The following YTHDF3 variants were observed in gnomAD, a reference collection of about 807,000 sequenced individuals.
YTHDF3 encodes the protein YTH domain-containing family protein 3.
In YTHDF3, 9 loss-of-function variants were observed where a neutral mutation model predicts 52.5. The observed-to-expected ratio is 0.17, with a 90% confidence interval of 0.10 to 0.30. The LOEUF (loss-of-function observed/expected upper bound fraction) is 0.30, where lower values mean the gene tolerates loss of function less well. Ranked by LOEUF, YTHDF3 falls within the 10% of genes least tolerant of loss-of-function variation. The pLI is 1.00. For synonymous variants in YTHDF3, 274 were observed against 243.3 expected, an observed-to-expected ratio of 1.13 and a Z score of -1.18; for missense variants, 534 against 715.0, an observed-to-expected ratio of 0.75 and a Z score of 2.89.
chr8:63,169,187 G>T (rs1247082976), intron 1 of YTHDF3, 200 bp from the exon 2 acceptor site: 15 of 1,378,908 alleles, frequency 1.1e-5, no homozygotes, highest in Non-Finnish European at 1.4e-5. Context: ...GCGAGCTCTG[G>T]GAGACGGATT....
intron 3 of YTHDF3, among the ~76,000 whole-genome samples, chr8:63,181,793 T>C (rs1048510416): frequency 1.3e-5 from 2 of 152,218 alleles, no homozygotes; most frequent in Non-Finnish European, 2.9e-5. Context: ...CTGGCACATA[T>C]AGCATTCATG....
intron 3 of YTHDF3, among the ~76,000 whole-genome samples, chr8:63,176,758 A>G (rs971855765): frequency 2.6e-5 from 4 of 151,820 alleles, no homozygotes; most frequent in Non-Finnish European, 4.4e-5. Flanking sequence ...GCTCACTCCA[A>G]CCTCTGCCTC....
At chr8:63,169,432 T>G in intron 2 of YTHDF3, 21 bp downstream of exon 2, 1 of 1,580,462 alleles carries the variant, frequency 6.3e-7, no homozygotes, top group Non-Finnish European at 8.6e-7. Flanking sequence ...ATTTTTTTTT[T>G]TCTTATTGCT....
At chr8:63,186,028 G>T (rs1262404706) in intron 3 of YTHDF3, 119 bp from the exon 4 acceptor site, 11 of 1,101,838 alleles carry the variant, frequency 1.0e-5, no homozygotes, top group Non-Finnish European at 1.4e-5. Flanking sequence ...TGTTTATCTA[G>T]AATAGGTACA....
chr8:63,212,158 T>A lies in YTHDF3; in HGVS notation c.*2452T>A, dbSNP rs1810402197. On this transcript the variant is annotated 3_prime_UTR_variant, in exon 5 of 5. Coordinates refer to ENST00000539294, the MANE Select transcript of YTHDF3 (RefSeq NM_152758.6). ...TCTTGCTTAATGTTTTTCCAAGTTC[T>A]GGCTTGAATATTTCTTATTAAAGCT... is the stretch of plus-strand genomic sequence containing the variant. 6.5e-6 allele frequency: 1 copy of A among 152,674 alleles called. No individual in the cohort carries two copies. The highest frequency in any genetic ancestry group is 6.5e-5 in the Admixed American group (1 of 15,286). 9.5% of individuals were successfully genotyped at this position (152,674 alleles called of 1,614,324 possible).
chr8:63,200,458 T>G (rs1563411318), intron 4 of YTHDF3, among the ~76,000 whole-genome samples: 1 of 151,884 alleles, frequency 6.6e-6, no homozygotes, highest in Non-Finnish European at 1.5e-5. Context: ...TTTGAGATAC[T>G]GGGGATTGAA....
intron 3 of YTHDF3, among the ~76,000 whole-genome samples, chr8:63,180,575 G>T (rs993471916): frequency 6.6e-6 from 1 of 151,900 alleles, no homozygotes; most frequent in African/African-American, 2.4e-5. Context: ...ACGGGGTGGC[G>T]GCTGGGCAGA....
chr8:63,180,601 A>C (rs1418394792), intron 3 of YTHDF3, among the ~76,000 whole-genome samples: 2 of 152,174 alleles, frequency 1.3e-5, no homozygotes, highest in African/African-American at 4.8e-5. Flanking sequence ...CAATCTCGGC[A>C]CTTTGGGAGG....
chr8:63,169,089 G>C (rs1388288167), intron 1 of YTHDF3, 188 bp downstream of exon 1: 3 of 1,383,920 alleles, frequency 2.2e-6, no homozygotes, highest in Non-Finnish European at 2.8e-6. Flanking sequence ...GGGCGGGCGG[G>C]CGCGGTGCCG....
chr8:63,175,045 TAC>T (rs1279621010), intron 2 of YTHDF3, among the ~76,000 whole-genome samples: 2 of 152,194 alleles, frequency 1.3e-5, no homozygotes, highest in Admixed American at 6.5e-5. Flanking sequence ...ATTTACTCAC[TAC>T]AGTGTTGAGA....
At chr8:63,193,482 G>A (rs1357033068) in intron 4 of YTHDF3, among the ~76,000 whole-genome samples, 1 of 151,308 alleles carries the variant, frequency 6.6e-6, no homozygotes, top group Non-Finnish European at 1.5e-5. Context: ...ATAAGCTAGT[G>A]TGGTGGTGCA....
chr8:63,194,219 C>T (rs1162121963), intron 4 of YTHDF3, among the ~76,000 whole-genome samples: 2 of 152,336 alleles, frequency 1.3e-5, no homozygotes, highest in Middle Eastern at 3.4e-3. Context: ...CATGGTGGCT[C>T]ACGCCTGCAA....
At chr8:63,194,621 T>C (rs1417352906) in intron 4 of YTHDF3, among the ~76,000 whole-genome samples, 1 of 152,216 alleles carries the variant, frequency 6.6e-6, no homozygotes, top group Non-Finnish European at 1.5e-5. Flanking sequence ...TTTGAACCAC[T>C]TGAGATAACT....
Position 63,186,832 on chromosome 8 carries a change from T to C in YTHDF3, c.821T>C (p.Met274Thr), listed in dbSNP as rs1046018521. The C allele has an allele frequency of 6.2e-7, 1 of 1,613,922 alleles. No homozygotes were observed. Among genetic ancestry groups the C allele is most frequent in the Middle Eastern group, 1.7e-4 (1 of 6,060 alleles). ...CCACCACCTCCTATAAAACACAACA[T>C]GAATATTGGAACTTGGGATGAAAAA... ...AVPPPPIKHNMNIGTWDEKGS... is the reference protein window; with the variant it reads ...AVPPPPIKHNTNIGTWDEKGS... Residue 274 changes from methionine (M) to threonine (T), a missense_variant, in exon 4 of 5, where the codon ATG becomes ACG. By Grantham distance (81) the Met-to-Thr change is moderately conservative (BLOSUM62 -1). Around this residue, in one of 3 missense-constraint regions of YTHDF3, gnomAD observed 203 missense variants for 201.3 expected, o/e 1.01. Coordinates refer to ENST00000539294, the MANE Select transcript of YTHDF3 (RefSeq NM_152758.6).
chr8:63,171,975 A>T (rs1166720566), intron 2 of YTHDF3, among the ~76,000 whole-genome samples: 2 of 152,216 alleles, frequency 1.3e-5, no homozygotes, highest in African/African-American at 2.4e-5. Context: ...TACAGAAGCC[A>T]AAAGGAATTC....
chr8:63,175,473 GATTTT>G, intron 3 of YTHDF3, 57 bp downstream of exon 3: 1 of 1,326,730 alleles, frequency 7.5e-7, no homozygotes, highest in Non-Finnish European at 1.1e-6. Context: ...AGTATTAGTT[GATTTT>G]TCAAATAGAT....
chr8:63,183,657 A>G (rs1808305174), intron 3 of YTHDF3, among the ~76,000 whole-genome samples: 1 of 152,178 alleles, frequency 6.6e-6, no homozygotes, highest in Non-Finnish European at 1.5e-5. Flanking sequence ...CTTTGACTAT[A>G]TTTGCAGTTA....
chr8:63,203,627 AT>A (rs1215810238), intron 4 of YTHDF3, among the ~76,000 whole-genome samples: 1 of 152,210 alleles, frequency 6.6e-6, no homozygotes, highest in Admixed American at 6.5e-5. Flanking sequence ...TATTAACTAA[AT>A]TACAGAGGTT....
In YTHDF3 at chr8:63,186,565, G is replaced by T. The variant is rs749430267; in HGVS notation, c.554G>T (p.Ser185Ile). The T allele has an allele frequency of 6.2e-7, 1 of 1,614,010 alleles. No individual in the cohort carries two copies. The highest frequency in any genetic ancestry group is 8.5e-7 in the Non-Finnish European group (1 of 1,179,896). ...ACTTTGAGTAAGGTGCCTGGCATTA[G>T]CAGTATTGAGCAAGGCATGACTGGA... ...NDTLSKVPGI[S>I]SIEQGMTGLK... is the part of the protein sequence containing the mutation. The change falls in exon 4 of 5, where the codon AGC becomes ATC. Residue 185 changes from serine (S) to isoleucine (I), a missense_variant. By Grantham distance (142) the Ser-to-Ile change is moderately radical. Transcript: ENST00000539294.
Sources: gnomAD v4.1 joint callset for allele counts (sites outside exome capture counted in the v4.1 genomes callset) on GRCh38, gnomAD v4.1.1 for gene constraint, gnomAD v4.1.1 regional missense constraint, MANE v1.5 for transcripts, NCBI Gene and HGNC (gene_info 2026-07-23, HGNC 2026-07-21) for gene names.